ZNF430: variants seen among roughly 807,000 people sequenced by gnomAD.
The protein encoded by ZNF430 is zinc finger protein 430.
In ZNF430, 35 loss-of-function variants were observed where a neutral mutation model predicts 56.7. The ratio of observed to expected loss-of-function variants is 0.62; its 90% CI spans 0.47 to 0.82. The LOEUF is 0.82. ZNF430 is among the 40% of genes least tolerant of loss of function. The pLI is 0.00. For missense variants in ZNF430, 574 were observed against 661.0 expected (o/e 0.87, Z 1.44); for synonymous variants, 212 against 224.3 (o/e 0.94, Z 0.49).
At position 21,020,767 on chromosome 19, in the gene ZNF430, A is replaced by T. The variant is rs1974281804; in HGVS notation, c.-34A>T. The stretch of plus-strand genomic sequence containing the variant: ...GACCCGCAGGTATTGGGAGATCTAC[A>T]GCTAAGACGCCAGGAACCCCTGGAA... On this transcript the variant is annotated 5_prime_UTR_variant, in exon 1 of 5. Transcript: ENST00000261560. The T allele has an allele frequency of 1.9e-6, 3 of 1,613,462 alleles. No individual in the cohort carries two copies. Among genetic ancestry groups the T allele is most frequent in the African/African-American group, 2.7e-5 (2 of 74,998 alleles).
chr19:21,023,757 C>T (rs1374871190), intron 2 of ZNF430, among the ~76,000 whole-genome samples: 1 of 152,008 alleles, frequency 6.6e-6, no homozygotes, highest in African/African-American at 2.4e-5. Context: ...TGACAGTAAA[C>T]ATCTCTGTTC....
At chr19:21,047,111 T>TG (rs373729431) in intron 4 of ZNF430, among the ~76,000 whole-genome samples, 24 of 152,316 alleles carry the variant, frequency 1.6e-4, no homozygotes, top group South Asian at 4.1e-4. Flanking sequence ...GTTCTTTCCT[T>TG]GCTTCGTCTA....
At chr19:21,026,974 C>T (rs1052127215) in intron 2 of ZNF430, among the ~76,000 whole-genome samples, 5 of 151,290 alleles carry the variant, frequency 3.3e-5, no homozygotes, top group Admixed American at 6.6e-5. Flanking sequence ...GGACTACAGG[C>T]ACATGCCACC....
At chr19:21,026,198 T>G (rs1276445140) in intron 2 of ZNF430, among the ~76,000 whole-genome samples, 1 of 151,248 alleles carries the variant, frequency 6.6e-6, no homozygotes, top group African/African-American at 2.4e-5. Context: ...ACTTTTTTTT[T>G]TTTTTCTTGA....
chr19:21,050,313 G>A (rs1968263020), intron 4 of ZNF430, among the ~76,000 whole-genome samples: 1 of 152,066 alleles, frequency 6.6e-6, no homozygotes, highest in Non-Finnish European at 1.5e-5. Flanking sequence ...TTTAGGGTAT[G>A]CCACCTCATA....
chr19:21,038,667 G>C (rs958312602), intron 4 of ZNF430, among the ~76,000 whole-genome samples: 1 of 152,082 alleles, frequency 6.6e-6, no homozygotes, highest in Non-Finnish European at 1.5e-5. Flanking sequence ...GAGCTCAGGT[G>C]ATCCCCCACC....
chr19:21,057,458 C>A lies in ZNF430; in HGVS notation c.1150C>A (p.Arg384=), dbSNP rs779186254. The change falls in exon 5 of 5, where the codon CGA becomes AGA. Residue 384 remains arginine, a synonymous_variant. Transcript: ENST00000261560. ...KCEECGKAFY[R]FSYLTKHKII... is the part of the protein sequence containing the mutation. ...TGAAGAATGTGGCAAAGCTTTTTAC[C>A]GATTCTCATACCTTACTAAACATAA... is the stretch of plus-strand genomic sequence containing the variant. The A allele has an allele frequency of 2.5e-6, 4 of 1,613,128 alleles. No homozygotes were observed. The African/African-American group carries it at 5.4e-5, about 22-fold the overall frequency.
chr19:21,028,679 T>A (rs913287744), intron 2 of ZNF430, among the ~76,000 whole-genome samples: 4 of 151,904 alleles, frequency 2.6e-5, no homozygotes, highest in Non-Finnish European at 5.9e-5. Context: ...TGTGTGTGGT[T>A]TTTTTAGGGT....
At position 21,058,222 on chromosome 19, in the gene ZNF430, A is replaced by G. The variant is rs1968416231; in HGVS notation, c.*201A>G. ...CACTTTGGGAGGCTGAGACGGGTGA[A>G]TTACATGAGGTTGGGAGTTCGAGAC... On this transcript the variant is annotated 3_prime_UTR_variant, in exon 5 of 5. Transcript: ENST00000261560. The G allele has an allele frequency of 1.8e-6, 1 of 567,230 alleles. No homozygotes were observed. The highest frequency in any genetic ancestry group is 2.4e-5 in the South Asian group (1 of 42,290). The allele number at this position is 567,230 out of a possible 1,614,324, so 35.1% of individuals were successfully genotyped here.
intron 2 of ZNF430, among the ~76,000 whole-genome samples, chr19:21,031,094 G>A (rs1967894148): frequency 6.6e-6 from 1 of 152,248 alleles, no homozygotes; most frequent in East Asian, 1.9e-4. Context: ...ATGTTGGCCA[G>A]GCTGATCTTG....
At chr19:21,024,656 T>C (rs2144748608) in intron 2 of ZNF430, among the ~76,000 whole-genome samples, 1 of 151,970 alleles carries the variant, frequency 6.6e-6, no homozygotes, top group South Asian at 2.1e-4. Flanking sequence ...CACGGGCGCC[T>C]GTAGTCCCAG....
At chr19:21,051,705 G>T (rs1968286961) in intron 4 of ZNF430, among the ~76,000 whole-genome samples, 1 of 152,102 alleles carries the variant, frequency 6.6e-6, no homozygotes, top group Admixed American at 6.5e-5. Context: ...TGGCCTGGAT[G>T]GTCTCGATCT....
At chr19:21,030,739 C>T (rs181200101) in intron 2 of ZNF430, among the ~76,000 whole-genome samples, 1 of 152,214 alleles carries the variant, frequency 6.6e-6, no homozygotes, top group African/African-American at 2.4e-5. Context: ...GTTTGAAACA[C>T]GCATTCATGA....
In ZNF430 at chr19:21,057,692, T is replaced by A; in HGVS notation, c.1384T>A (p.Cys462Ser). Residue 462 changes from cysteine to serine, a missense_variant, in exon 5 of 5, where the codon TGT (cysteine) becomes AGT (serine). This residue lies in a region of ZNF430 where 213 missense variants were observed against 221.0 expected (regional missense o/e 0.96). Transcript: ENST00000261560. ...TGEKPYKCEE[C>S]GKAFNRSPKL... is the part of the protein sequence containing the mutation. Reference sequence around the variant, plus strand: ...AGAGAAACCCTACAAATGTGAAGAATGTGGCAAAGCCTTTAACCGGTCCCC... The same window carrying A: ...AGAGAAACCCTACAAATGTGAAGAAAGTGGCAAAGCCTTTAACCGGTCCCC... 1 of 1,609,042 alleles carries A rather than the reference T, an allele frequency of 6.2e-7. No homozygotes were observed. The highest frequency in any genetic ancestry group is 8.5e-7 in the Non-Finnish European group (1 of 1,177,902).
rs765657821 is a variant in ZNF430 at position 21,056,837 on chromosome 19, T to C, written c.529T>C (p.Phe177Leu). Residue 177 changes from phenylalanine to leucine, a missense_variant, in exon 5 of 5, where the codon TTT becomes CTT. By Grantham distance (22) the Phe-to-Leu change is conservative (BLOSUM62 0). Around this residue, in one of 3 missense-constraint regions of ZNF430, gnomAD observed 346 missense variants for 399.1 expected, o/e 0.87. Coordinates refer to ENST00000261560, the MANE Select transcript of ZNF430 (RefSeq NM_025189.4). The stretch of plus-strand genomic sequence containing the variant: ...TTTGACAACTACCCAGAGTGAAATA[T>C]TTCAATATGATAAATATGTGAATGT... ...QCLTTTQSEI[F>L]QYDKYVNVFY... The C allele has an allele frequency of 6.2e-7, 1 of 1,613,196 alleles. No homozygotes were observed. The highest frequency in any genetic ancestry group is 8.5e-7 in the Non-Finnish European group (1 of 1,179,622).
chr19:21,033,244 C>T (rs1297332201), intron 2 of ZNF430, among the ~76,000 whole-genome samples: 3 of 151,842 alleles, frequency 2.0e-5, no homozygotes, highest in Non-Finnish European at 4.4e-5. Flanking sequence ...ATCCCAGCTA[C>T]TCAGGAGGCT....
intron 4 of ZNF430, among the ~76,000 whole-genome samples, chr19:21,044,341 A>G (rs117005535): frequency 0.021 from 3,199 of 152,306 alleles, 50 homozygotes; most frequent in Non-Finnish European, 0.036. Flanking sequence ...TGAGATAATC[A>G]TATGGATTTT....
At position 21,057,067 on chromosome 19, in the gene ZNF430, A is replaced by C. The variant is rs1328016849; in HGVS notation, c.759A>C (p.Arg253Ser). The change falls in exon 5 of 5, where the codon AGA becomes AGC. Residue 253 changes from arginine to serine, a missense_variant. Coordinates refer to ENST00000261560, the MANE Select transcript of ZNF430 (RefSeq NM_025189.4). Reference sequence around the variant, plus strand: ...TCTCAACCCTTACTAGACACAGAAGAATTCATACTGGAGAGAAACCCTACA... The same window carrying C: ...TCTCAACCCTTACTAGACACAGAAGCATTCATACTGGAGAGAAACCCTACA... ...NWFSTLTRHR[R>S]IHTGEKPYKC... 1 of 1,614,142 alleles carries C rather than the reference A, an allele frequency of 6.2e-7. No individual in the cohort carries two copies. Among genetic ancestry groups the C allele is most frequent in the Non-Finnish European group, 8.5e-7 (1 of 1,180,006 alleles).
At chr19:21,024,307 G>A (rs1967751460) in intron 2 of ZNF430, among the ~76,000 whole-genome samples, 1 of 152,138 alleles carries the variant, frequency 6.6e-6, no homozygotes, top group South Asian at 2.1e-4. Context: ...TGATAAAGTT[G>A]TTAATGTTTG....
Sources: gnomAD v4.1 joint callset for allele counts (sites outside exome capture counted in the v4.1 genomes callset) on GRCh38, gnomAD v4.1.1 for gene constraint, gnomAD v4.1.1 regional missense constraint, MANE v1.5 for transcripts, NCBI Gene and HGNC (gene_info 2026-07-23, HGNC 2026-07-21) for gene names.